Variants in UIMC1 observed in about 807,000 individuals in gnomAD.
UIMC1 encodes ubiquitin interaction motif containing 1.
UIMC1 carries 42 observed loss-of-function variants against 84.9 expected under a neutral mutation model. The ratio of observed to expected loss-of-function variants is 0.49; its 90% CI spans 0.39 to 0.64. The LOEUF (loss-of-function observed/expected upper bound fraction) is 0.64, where lower values mean the gene tolerates loss of function less well. Among genes scored for constraint, UIMC1 ranks in the 30% least tolerant of loss-of-function variants. The pLI is 0.00. For synonymous variants in UIMC1, 281 were observed against 293.0 expected, an observed-to-expected ratio of 0.96 and a Z score of 0.42; for missense variants, 825 against 847.6, an observed-to-expected ratio of 0.97 and a Z score of 0.33.
chr5:176,952,994 G>A (rs1483217966), intron 8 of UIMC1, among the ~76,000 whole-genome samples: 1 of 152,158 alleles, frequency 6.6e-6, no homozygotes, highest in Admixed American at 6.5e-5. Context: ...TAGGAAATGT[G>A]ACCTTTGGAA....
At chr5:176,965,470 TTTTAA>T (rs1299399513) in intron 6 of UIMC1, among the ~76,000 whole-genome samples, 6 of 152,102 alleles carry the variant, frequency 3.9e-5, no homozygotes, top group Non-Finnish European at 5.9e-5. Context: ...TAAAGTCCTC[TTTTAA>T]TTTTTTTATT....
At chr5:176,907,608 G>A (rs919346667) in intron 12 of UIMC1, among the ~76,000 whole-genome samples, 1 of 152,176 alleles carries the variant, frequency 6.6e-6, no homozygotes, top group African/African-American at 2.4e-5. Flanking sequence ...CCTAGAATAT[G>A]GAGCTGCTGC....
intron 10 of UIMC1, among the ~76,000 whole-genome samples, chr5:176,926,198 G>A (rs907936764): frequency 4.6e-5 from 7 of 151,774 alleles, no homozygotes; most frequent in African/African-American, 1.7e-4. Context: ...GATCCTTTAC[G>A]CCAAAAAAGA....
At chr5:176,958,437 G>C (rs548130474) in intron 6 of UIMC1, among the ~76,000 whole-genome samples, 3 of 152,282 alleles carry the variant, frequency 2.0e-5, no homozygotes, top group South Asian at 2.1e-4. Context: ...TTGCCTCACA[G>C]AGTGTTGTGA....
intron 1 of UIMC1, among the ~76,000 whole-genome samples, chr5:177,000,956 T>C (rs940406285): frequency 2.0e-5 from 3 of 152,206 alleles, no homozygotes; most frequent in Admixed American, 6.5e-5. Flanking sequence ...TCCTATCCTG[T>C]GGGTTGTCTC....
At position 176,955,991 on chromosome 5, in the gene UIMC1, T is replaced by C. The variant is rs1581522886; in HGVS notation, c.1307A>G (p.Glu436Gly). 6.2e-7 allele frequency: 1 copy of C among 1,613,744 alleles called. No homozygotes were observed. Among genetic ancestry groups the C allele is most frequent in the African/African-American group, 1.3e-5 (1 of 75,046 alleles). ...TSKRSLVLMP[E>G]SSAEEITVCP... is the part of the protein sequence containing the mutation. ...AACAGTGATTTCTTCTGCAGAACTC[T>C]CTGGCATAAGGACTAAGCTTCTCTT... The change falls in exon 8 of 15, where the codon GAG (glutamate) becomes GGG (glycine). Residue 436 changes from glutamate (E) to glycine (G), a missense_variant. By Grantham distance (98) the Glu-to-Gly change is moderately conservative. Coordinates refer to ENST00000511320, the MANE Select transcript of UIMC1 (RefSeq NM_001199298.2).
chr5:176,909,190 A>T (rs1350328055), intron 11 of UIMC1, among the ~76,000 whole-genome samples: 1 of 152,216 alleles, frequency 6.6e-6, no homozygotes, highest in Non-Finnish European at 1.5e-5. Context: ...CTGCAACATC[A>T]ACTAAGAAGT....
At chr5:176,925,984 A>G (rs1039789776) in intron 10 of UIMC1, among the ~76,000 whole-genome samples, 1 of 152,226 alleles carries the variant, frequency 6.6e-6, no homozygotes, top group Non-Finnish European at 1.5e-5. Context: ...CATAACATGG[A>G]TTAAAGGATG....
intron 6 of UIMC1, among the ~76,000 whole-genome samples, chr5:176,967,597 T>G (rs1483261190): frequency 1.3e-5 from 2 of 152,136 alleles, no homozygotes; most frequent in Non-Finnish European, 2.9e-5. Context: ...AAATTTAACC[T>G]TTCAGAAATA....
intron 7 of UIMC1, 66 bp downstream of exon 7, chr5:176,958,027 T>G: frequency 6.6e-7 from 1 of 1,513,298 alleles, no homozygotes; most frequent in Non-Finnish European, 9.1e-7. Flanking sequence ...GTCTCACTCA[T>G]GTGGTTCATC....
chr5:176,943,662 T>C (rs1418940775), intron 9 of UIMC1, among the ~76,000 whole-genome samples, 174 bp from the exon 10 acceptor site: 2 of 152,210 alleles, frequency 1.3e-5, no homozygotes, highest in African/African-American at 4.8e-5. Context: ...ACTTATTCAG[T>C]GCCTTATACT....
At chr5:176,951,696 T>C (rs1456835199) in intron 8 of UIMC1, 119 bp from the exon 9 acceptor site, 3 of 625,356 alleles carry the variant, frequency 4.8e-6, no homozygotes, top group Non-Finnish European at 8.0e-6. Context: ...GGTGGCAATA[T>C]ATTAATAGAT....
chr5:176,994,510 T>TAA (rs58699518), intron 1 of UIMC1, among the ~76,000 whole-genome samples: 3 of 138,350 alleles, frequency 2.2e-5, no homozygotes, highest in Admixed American at 7.4e-5. Flanking sequence ...GCAGTTTCTT[T>TAA]AAAAAAAAAA....
chr5:176,998,466 C>CAAAA lies in UIMC1; in HGVS notation c.-9+8180_-9+8183dup, dbSNP rs35445945. Among the ~76,000 whole-genome samples, 612 of 64,388 alleles carry CAAAA rather than the reference C, an allele frequency of 9.5e-3. 71 individuals carry two copies. The highest frequency in any genetic ancestry group is 0.034 in the African/African-American group (520 of 15,122). The allele number at this position is 64,388 out of a possible 152,430, so 42.2% of individuals were successfully genotyped here. ...TGGACGACAGAGCAAGACTCTGTCTCAAAAAAAAAAAAAAAAAAAGTCTGG... is the reference window on the plus strand; with the variant it reads ...TGGACGACAGAGCAAGACTCTGTCTCAAAAAAAAAAAAAAAAAAAAAAAGTCTGG... On this transcript the variant is annotated intron_variant, in intron 1 of 14. Transcript: ENST00000511320.
In UIMC1 at chr5:176,997,684, C is replaced by CA. The variant is rs11327766; in HGVS notation, c.-9+8965dup. On this transcript the variant is annotated intron_variant, in intron 1 of 14. Transcript: ENST00000511320. Reference sequence around the variant, plus strand: ...TGGGCAACAGAGCGAGACTCTGTCTCAAAAAAAAAAAAAAAAAAAAACCCA... The same window carrying CA: ...TGGGCAACAGAGCGAGACTCTGTCTCAAAAAAAAAAAAAAAAAAAAAACCCA... Among the ~76,000 whole-genome samples the CA allele has an allele frequency of 6.5e-3, 670 of 102,840 alleles. 12 individuals carry two copies. The highest frequency in any genetic ancestry group is 0.017 in the African/African-American group (529 of 31,286). The allele number at this position is 102,840 out of a possible 152,430, so 67.5% of individuals were successfully genotyped here. A position where few individuals can be genotyped will look rare whatever the true frequency, so the allele number is the denominator to read the frequency against.
chr5:177,000,277 G>T (rs76749525), intron 1 of UIMC1, among the ~76,000 whole-genome samples: 16,486 of 151,884 alleles, frequency 0.11, 1,677 homozygotes, highest in African/African-American at 0.27. Context: ...TTGAGGAAAC[G>T]CCAAACTGTT....
chr5:177,008,175 C>T (rs2149552571), upstream of UIMC1, among the ~76,000 whole-genome samples: 1 of 151,868 alleles, frequency 6.6e-6, no homozygotes, highest in Admixed American at 6.6e-5. Context: ...GGTAATCGAA[C>T]GTGGAACTAC....
At chr5:177,021,977 G>A (rs543942104) in intron 1 of UIMC1, among the ~76,000 whole-genome samples, 5 of 152,112 alleles carry the variant, frequency 3.3e-5, no homozygotes, top group Middle Eastern at 3.4e-3. Context: ...CTAAGAGTGA[G>A]ATGGGAAGCT....
intron 8 of UIMC1, among the ~76,000 whole-genome samples, chr5:176,954,294 G>A (rs535681398): frequency 6.6e-6 from 1 of 152,256 alleles, no homozygotes; most frequent in South Asian, 2.1e-4. Flanking sequence ...CCCAGACAGA[G>A]GGGGAAAGCT....
Sources: gnomAD v4.1 joint callset for allele counts (sites outside exome capture counted in the v4.1 genomes callset) on GRCh38, gnomAD v4.1.1 for gene constraint, MANE v1.5 for transcripts, NCBI Gene and HGNC (gene_info 2026-07-23, HGNC 2026-07-21) for gene names.